Variants in ETV6 observed in about 807,000 individuals in gnomAD.
ETV6 encodes the protein transcription factor ETV6.
A neutral mutation model predicts 51.1 loss-of-function variants in ETV6; 16 were observed. That is an observed-to-expected ratio of 0.31 (90% CI 0.21 to 0.48). The LOEUF is 0.48. Ranked by LOEUF, ETV6 falls within the 20% of genes least tolerant of loss-of-function variation. The pLI is 0.99. For synonymous variants in ETV6, 240 were observed against 224.1 expected (o/e 1.07, Z -0.64); for missense variants, 458 against 594.8 (o/e 0.77, Z 2.39).
chr12:11,758,233 C>A (rs768866135), intron 2 of ETV6, among the ~76,000 whole-genome samples: 1 of 152,164 alleles, frequency 6.6e-6, no homozygotes, highest in South Asian at 2.1e-4. Flanking sequence ...AAGTTTCTAA[C>A]GACACCTACT....
At chr12:11,879,784 G>A (rs776460914) in intron 5 of ETV6, among the ~76,000 whole-genome samples, 6 of 152,152 alleles carry the variant, frequency 3.9e-5, no homozygotes, top group Non-Finnish European at 7.3e-5. Flanking sequence ...ATACGTTCAG[G>A]TGTTTTGAAG....
intron 2 of ETV6, among the ~76,000 whole-genome samples, chr12:11,821,596 G>A (rs1017381111): frequency 3.3e-5 from 5 of 152,092 alleles, no homozygotes; most frequent in Non-Finnish European, 7.4e-5. Flanking sequence ...CAGCACTTTG[G>A]GAGTCTGAGG....
intron 1 of ETV6, among the ~76,000 whole-genome samples, chr12:11,650,368 C>T (rs1327804112): frequency 1.4e-5 from 2 of 147,094 alleles, no homozygotes; most frequent in African/African-American, 4.9e-5. Context: ...GAGCCCCTGC[C>T]GGCTCCTCGG....
chr12:11,724,754 G>T (rs1044192486), intron 1 of ETV6, among the ~76,000 whole-genome samples: 3 of 152,220 alleles, frequency 2.0e-5, no homozygotes, highest in Non-Finnish European at 2.9e-5. Context: ...TAAGATATTT[G>T]TAGTAGATAT....
intron 1 of ETV6, chr12:11,750,731 CA>C (rs1866005916): frequency 2.4e-6 from 1 of 424,368 alleles, no homozygotes; most frequent in African/African-American, 2.1e-5. Context: ...TTGAAATGCT[CA>C]GAAGCCCACC....
chr12:11,752,455 A>G lies in ETV6; in HGVS notation c.39A>G (p.Glu13=). Residue 13 remains glutamate, a synonymous_variant, in exon 2 of 8, where the codon GAA becomes GAG. Coordinates refer to ENST00000396373, the MANE Select transcript of ETV6 (RefSeq NM_001987.5). ...CCTGCCCTTATTTTTAACAGCAGGA[A>G]CGAATTTCATATACACCTCCAGAGA... ...ETPAQCSIKQ[E]RISYTPPESP... 1.2e-6 allele frequency: 2 copies of G among 1,610,386 alleles called. No homozygotes were observed. Among genetic ancestry groups the G allele is most frequent in the Non-Finnish European group, 8.5e-7 (1 of 1,177,484 alleles).
At chr12:11,700,320 C>T (rs1047832880) in intron 1 of ETV6, among the ~76,000 whole-genome samples, 5 of 152,142 alleles carry the variant, frequency 3.3e-5, no homozygotes, top group Admixed American at 1.3e-4. Context: ...TTTAATATAG[C>T]CTTCACCCTA....
intron 2 of ETV6, among the ~76,000 whole-genome samples, chr12:11,817,086 C>T (rs1946004796): frequency 6.6e-6 from 1 of 152,160 alleles, no homozygotes; most frequent in Admixed American, 6.5e-5. Context: ...GGTCTGCAAA[C>T]CCCGGTTCCA....
At chr12:11,839,627 C>A (rs1946362949) in intron 3 of ETV6, among the ~76,000 whole-genome samples, 1 of 152,238 alleles carries the variant, frequency 6.6e-6, no homozygotes, top group Non-Finnish European at 1.5e-5. Context: ...CTCCTATAAT[C>A]CCAGCACTTT....
intron 2 of ETV6, among the ~76,000 whole-genome samples, chr12:11,813,246 T>C (rs908002595): frequency 4.6e-5 from 7 of 152,154 alleles, no homozygotes; most frequent in Admixed American, 1.3e-4. Flanking sequence ...AAAGGAAGTC[T>C]CCTTCCCTTT....
At chr12:11,684,404 C>T (rs185227807) in intron 1 of ETV6, among the ~76,000 whole-genome samples, 5 of 152,320 alleles carry the variant, frequency 3.3e-5, no homozygotes, top group Admixed American at 3.3e-4. Flanking sequence ...TTTCTCTACT[C>T]TAAGGTCAAA....
intron 1 of ETV6, among the ~76,000 whole-genome samples, chr12:11,750,517 A>G (rs1031647171): frequency 3.3e-5 from 5 of 152,082 alleles, no homozygotes; most frequent in African/African-American, 1.2e-4. Context: ...TTTTTCTTGC[A>G]CTCATGAAGC....
In ETV6 at chr12:11,746,813, T is replaced by TA. The variant is rs760030742; in HGVS notation, c.34-5635dup. Among the ~76,000 whole-genome samples, 498 of 130,836 alleles carry TA rather than the reference T, an allele frequency of 3.8e-3. 1 individual carries two copies. The highest frequency in any genetic ancestry group is 0.014 in the African/African-American group (476 of 34,754). The allele number at this position is 130,836 out of a possible 152,430, so 85.8% of individuals were successfully genotyped here. A position where few individuals can be genotyped will look rare whatever the true frequency, so the allele number is the denominator to read the frequency against. On this transcript the variant is annotated intron_variant, in intron 1 of 7. Coordinates refer to ENST00000396373, the MANE Select transcript of ETV6 (RefSeq NM_001987.5). The stretch of plus-strand genomic sequence containing the variant: ...CTCTTTTTTTTTTTTTTTTTTTTTT[T>TA]AATCTCACTATGCAAAGATAATACA...
At chr12:11,690,109 C>T (rs1018575463) in intron 1 of ETV6, among the ~76,000 whole-genome samples, 6 of 151,836 alleles carry the variant, frequency 4.0e-5, no homozygotes, top group Non-Finnish European at 7.4e-5. Flanking sequence ...GTCCAGAGCT[C>T]AAGTCCCCAC....
intron 1 of ETV6, among the ~76,000 whole-genome samples, chr12:11,730,558 C>A (rs1007397351): frequency 6.6e-6 from 1 of 152,218 alleles, no homozygotes; most frequent in Non-Finnish European, 1.5e-5. Context: ...AACCTAGGTC[C>A]ATAACTGTGG....
At chr12:11,888,398 C>CTTTTCTTTTTT (rs753710183) in intron 7 of ETV6, among the ~76,000 whole-genome samples, 2 of 80,690 alleles carry the variant, frequency 2.5e-5, no homozygotes, top group Non-Finnish European at 2.5e-5. Context: ...CTTTTCTTTT[C>CTTTTCTTTTTT]TTTTTTTTTT....
intron 4 of ETV6, 120 bp downstream of exon 4, chr12:11,853,681 T>C (rs1946591071): frequency 4.4e-6 from 5 of 1,144,878 alleles, no homozygotes; most frequent in Middle Eastern, 4.6e-4. Context: ...TAGACAATTA[T>C]TGAGTGCTTA....
intron 5 of ETV6, among the ~76,000 whole-genome samples, chr12:11,877,180 C>T (rs1431920030): frequency 1.3e-5 from 2 of 152,208 alleles, no homozygotes; most frequent in African/African-American, 4.8e-5. Context: ...CAGTTTGAGG[C>T]TTATCCTCAG....
At chr12:11,777,652 C>T (rs888153747) in intron 2 of ETV6, among the ~76,000 whole-genome samples, 5 of 152,150 alleles carry the variant, frequency 3.3e-5, no homozygotes, top group Non-Finnish European at 1.5e-5. Flanking sequence ...AATGCACCAG[C>T]TGTACTGGGC....
Sources: gnomAD v4.1 joint callset for allele counts (sites outside exome capture counted in the v4.1 genomes callset) on GRCh38, gnomAD v4.1.1 for gene constraint, MANE v1.5 for transcripts, NCBI Gene and HGNC (gene_info 2026-07-23, HGNC 2026-07-21) for gene names.